NARS2: variants seen among roughly 807,000 people sequenced by gnomAD.
NARS2 encodes asparaginyl-tRNA synthetase 2, mitochondrial.
In NARS2, 60 loss-of-function variants were observed where a neutral mutation model predicts 62.9. That is an observed-to-expected ratio of 0.95 (90% CI 0.77 to 1.18). The LOEUF (loss-of-function observed/expected upper bound fraction) is 1.18, where lower values mean the gene tolerates loss of function less well. Ranked by LOEUF, NARS2 falls within the 50% of genes most tolerant of loss-of-function variation. The pLI is 0.00. For synonymous variants in NARS2, 196 were observed against 200.0 expected (o/e 0.98, Z 0.17); for missense variants, 619 against 576.4 (o/e 1.07, Z -0.76).
At chr11:78,498,527 C>T (rs765697441) in intron 6 of NARS2, among the ~76,000 whole-genome samples, 26 of 152,212 alleles carry the variant, frequency 1.7e-4, no homozygotes, top group Middle Eastern at 3.4e-3. Flanking sequence ...TCTAACCAGC[C>T]CTCTTCTCTA....
intron 6 of NARS2, among the ~76,000 whole-genome samples, chr11:78,527,866 T>C (rs543821709): frequency 6.6e-6 from 1 of 152,238 alleles, no homozygotes; most frequent in East Asian, 1.9e-4. Context: ...TCCCAGTGCT[T>C]TGGGAGGCTG....
chr11:78,559,571 A>C lies in NARS2; in HGVS notation c.562T>G (p.Ser188Ala). 6.2e-7 allele frequency: 1 copy of C among 1,613,434 alleles called. No individual in the cohort carries two copies. Among genetic ancestry groups the C allele is most frequent in the Non-Finnish European group, 8.5e-7 (1 of 1,179,552 alleles). ...IHTPIITSND[S>A]EGAGELFQLE... Reference sequence around the variant, plus strand: ...TGAAAAAGTTCTCCAGCTCCCTCAGAGTCATTGGATGTGATTATTGGAGTA... The same window carrying C: ...TGAAAAAGTTCTCCAGCTCCCTCAGCGTCATTGGATGTGATTATTGGAGTA... The change falls in exon 5 of 14, where the codon TCT becomes GCT. Residue 188 changes from serine (S) to alanine (A), a missense_variant. Transcript: ENST00000281038.
intron 7 of NARS2, among the ~76,000 whole-genome samples, chr11:78,481,643 C>G (rs1859359560): frequency 6.6e-6 from 1 of 152,050 alleles, no homozygotes; most frequent in Admixed American, 6.6e-5. Flanking sequence ...AACCCAGAAA[C>G]CTAACAGAAG....
chr11:78,453,329 G>A lies in NARS2; in HGVS notation c.1165-9571C>T, dbSNP rs1858039404. On this transcript the variant is annotated intron_variant, in intron 11 of 13. Transcript: ENST00000281038. The stretch of plus-strand genomic sequence containing the variant: ...CTGCTTAAGTCACACAGCTGCAGTG[G>A]CATGCTGTCTAGAAATAGTTTGTGT... Among the ~76,000 whole-genome samples, 7 of 152,096 alleles carry A rather than the reference G, an allele frequency of 4.6e-5. No homozygotes were observed. In the South Asian group the frequency reaches 1.4e-3, roughly 31 times the overall value.
At chr11:78,438,766 G>A (rs1379230503) in intron 13 of NARS2, among the ~76,000 whole-genome samples, 2 of 152,200 alleles carry the variant, frequency 1.3e-5, no homozygotes, top group Admixed American at 6.5e-5. Flanking sequence ...TACAGAAATA[G>A]GAAGTGAGTA....
intron 6 of NARS2, among the ~76,000 whole-genome samples, chr11:78,525,665 T>C (rs1000392949): frequency 5.9e-5 from 9 of 152,096 alleles, no homozygotes; most frequent in African/African-American, 2.2e-4. Context: ...CTTAACTCCA[T>C]CTCCCTCTTC....
intron 11 of NARS2, among the ~76,000 whole-genome samples, chr11:78,452,776 T>C (rs1341534322): frequency 6.6e-6 from 1 of 152,180 alleles, no homozygotes; most frequent in Non-Finnish European, 1.5e-5. Flanking sequence ...CTTCCTATAT[T>C]ACTCTTTTTC....
At chr11:78,565,068 G>C (rs985386232) in intron 4 of NARS2, among the ~76,000 whole-genome samples, 1 of 152,212 alleles carries the variant, frequency 6.6e-6, no homozygotes, top group Non-Finnish European at 1.5e-5. Flanking sequence ...AACTTTATCT[G>C]CTGGATCACT....
At chr11:78,491,956 T>G (rs1018826647) in intron 7 of NARS2, among the ~76,000 whole-genome samples, 1 of 152,082 alleles carries the variant, frequency 6.6e-6, no homozygotes, top group African/African-American at 2.4e-5. Context: ...TGAAAATCAC[T>G]AAAATAAACA....
At chr11:78,511,663 G>C (rs1215004314) in intron 6 of NARS2, among the ~76,000 whole-genome samples, 2 of 151,656 alleles carry the variant, frequency 1.3e-5, no homozygotes, top group African/African-American at 4.8e-5. Flanking sequence ...CTTGCAGTGA[G>C]CTGAGATCGC....
intron 6 of NARS2, among the ~76,000 whole-genome samples, chr11:78,519,645 A>G (rs763967568): frequency 3.9e-5 from 6 of 152,210 alleles, no homozygotes; most frequent in Non-Finnish European, 7.3e-5. Flanking sequence ...AACAAATCAT[A>G]AATAATTTAA....
chr11:78,508,886 G>A (rs1352071728), intron 6 of NARS2, among the ~76,000 whole-genome samples: 2 of 152,076 alleles, frequency 1.3e-5, no homozygotes, highest in Non-Finnish European at 2.9e-5. Flanking sequence ...AGGCTGAGGT[G>A]GGAGGATCAC....
intron 9 of NARS2, among the ~76,000 whole-genome samples, chr11:78,473,492 G>A (rs1241355797): frequency 6.6e-5 from 10 of 152,120 alleles, no homozygotes. Flanking sequence ...ATGCCACTTG[G>A]GTTGAGGGTA....
chr11:78,544,244 A>T (rs116409453), intron 5 of NARS2, among the ~76,000 whole-genome samples: 1,641 of 151,874 alleles, frequency 0.011, 35 homozygotes, highest in African/African-American at 0.039. Flanking sequence ...TTTGCTTATA[A>T]CTCTCCAAAG....
chr11:78,561,311 G>A (rs1279086536), intron 4 of NARS2, among the ~76,000 whole-genome samples: 2 of 152,184 alleles, frequency 1.3e-5, no homozygotes, highest in African/African-American at 4.8e-5. Flanking sequence ...GGGTGGGGGA[G>A]TAAAAAGAAT....
intron 5 of NARS2, among the ~76,000 whole-genome samples, chr11:78,536,631 T>C (rs1175209441): frequency 1.3e-5 from 2 of 152,060 alleles, no homozygotes; most frequent in East Asian, 1.9e-4. Flanking sequence ...TTAAGTATTA[T>C]GAAAGAGTAA....
rs767333859 is a variant in NARS2, at chr11:78,574,467, G to A, written c.22C>T (p.Leu8=). The A allele has an allele frequency of 1.2e-6, 2 of 1,613,208 alleles. No homozygotes were observed. The highest frequency in any genetic ancestry group is 1.7e-6 in the Non-Finnish European group (2 of 1,179,690). The change falls in exon 1 of 14, where the codon CTG becomes TTG. Residue 8 remains leucine (L), a synonymous_variant. Coordinates refer to ENST00000281038, the MANE Select transcript of NARS2 (RefSeq NM_024678.6). Reference sequence around the variant, plus strand: ...GAGGAACAGAAGCGCACGGACCGCAGCAGGCAGCGGACCCCCAGCATCCCG... The same window carrying A: ...GAGGAACAGAAGCGCACGGACCGCAACAGGCAGCGGACCCCCAGCATCCCG... MLGVRCL[L]RSVRFCSSAP...
intron 11 of NARS2, among the ~76,000 whole-genome samples, chr11:78,454,105 T>C (rs1263041005): frequency 6.6e-6 from 1 of 151,892 alleles, no homozygotes; most frequent in Non-Finnish European, 1.5e-5. Flanking sequence ...GGTTCACTTA[T>C]GAGTTCCTCC....
chr11:78,449,034 A>C (rs1390785976), intron 11 of NARS2, among the ~76,000 whole-genome samples: 1 of 151,622 alleles, frequency 6.6e-6, no homozygotes, highest in Non-Finnish European at 1.5e-5. Flanking sequence ...AACCACACTG[A>C]CTTTTCTCTC....
Sources: allele counts gnomAD v4.1 joint callset (sites outside exome capture counted in the v4.1 genomes callset), GRCh38; gene constraint gnomAD v4.1.1; transcripts MANE v1.5; gene names NCBI Gene and HGNC (gene_info 2026-07-23, HGNC 2026-07-21).